The following PLCB4 variants were observed in gnomAD, a reference collection of about 807,000 sequenced individuals.
PLCB4 encodes phospholipase C beta 4.
Under a neutral mutation model 178.8 loss-of-function variants are expected in PLCB4, and 77 were observed. The observed-to-expected ratio is 0.43, with a 90% CI of 0.36 to 0.52. PLCB4 has a LOEUF of 0.52. Ranked by LOEUF, PLCB4 falls within the 20% of genes least tolerant of loss-of-function variation. The pLI is 0.00. For synonymous variants in PLCB4, 496 were observed against 490.8 expected, an observed-to-expected ratio of 1.01 and a Z score of -0.14; for missense variants, 1,024 against 1,453.4, an observed-to-expected ratio of 0.70 and a Z score of 4.80.
In PLCB4 at chr20:9,075,923, T is replaced by C. The variant is rs547863516; in HGVS notation, c.-135+6717T>C. ...CCCATGTTGAGCCTTTTGTTAGCTGTAAGTGCTTGGAAACACCGTGTACTA... is the reference window on the plus strand; with the variant it reads ...CCCATGTTGAGCCTTTTGTTAGCTGCAAGTGCTTGGAAACACCGTGTACTA... On this transcript the variant is annotated intron_variant, in intron 1 of 39. Transcript: ENST00000378473. Among the ~76,000 whole-genome samples the C allele has an allele frequency of 5.3e-5, 8 of 152,330 alleles. No individual in the cohort carries two copies. The South Asian group carries it at 1.4e-3, about 28-fold the overall frequency.
intron 3 of PLCB4, among the ~76,000 whole-genome samples, chr20:9,261,426 A>C (rs1281828574): frequency 1.3e-5 from 2 of 152,162 alleles, no homozygotes; most frequent in African/African-American, 2.4e-5. Context: ...TATACATATA[A>C]CCATTTTTAA....
chr20:9,205,648 C>G (rs1172727788), intron 2 of PLCB4, among the ~76,000 whole-genome samples: 1 of 152,178 alleles, frequency 6.6e-6, no homozygotes, highest in African/African-American at 2.4e-5. Context: ...TTTACATGCA[C>G]TCATTTGTGT....
chr20:9,329,672 G>A (rs1163621671), intron 4 of PLCB4, among the ~76,000 whole-genome samples: 1 of 152,160 alleles, frequency 6.6e-6, no homozygotes, highest in Non-Finnish European at 1.5e-5. Flanking sequence ...AGGAATGCAG[G>A]AGCTACACAT....
rs533695069 is a variant in PLCB4, at chr20:9,306,925, T to C, written c.-15-875T>C. Among the ~76,000 whole-genome samples the C allele has an allele frequency of 1.2e-4, 18 of 152,288 alleles. No homozygotes were observed. The South Asian group carries it at 3.5e-3, about 30-fold the overall frequency. ...CTTAGTTCAGCTAAAAACAGGGTTC[T>C]TTGTCCCACAGCCATGAAAATTCAA... On this transcript the variant is annotated intron_variant, in intron 3 of 39. Transcript: ENST00000378473.
intron 2 of PLCB4, among the ~76,000 whole-genome samples, chr20:9,187,076 G>A (rs965051380): frequency 6.6e-6 from 1 of 152,070 alleles, no homozygotes; most frequent in African/African-American, 2.4e-5. Flanking sequence ...CTGGGTTCAG[G>A]CGATTCTCCT....
At chr20:9,243,593 A>T (rs1190235906) in intron 3 of PLCB4, among the ~76,000 whole-genome samples, 1 of 152,158 alleles carries the variant, frequency 6.6e-6, no homozygotes. Context: ...TTGAAGCTGC[A>T]ATTTTTTGCA....
At chr20:9,232,741 G>A (rs532931758) in intron 3 of PLCB4, among the ~76,000 whole-genome samples, 1 of 152,220 alleles carries the variant, frequency 6.6e-6, no homozygotes, top group East Asian at 1.9e-4. Context: ...TTTCTTTGAT[G>A]AAAACTGAGT....
chr20:9,113,996 T>C (rs1034381098), intron 2 of PLCB4, among the ~76,000 whole-genome samples: 11 of 152,072 alleles, frequency 7.2e-5, no homozygotes, highest in Admixed American at 1.3e-4. Flanking sequence ...GGCGGATCAC[T>C]TGAGATCAGA....
intron 2 of PLCB4, among the ~76,000 whole-genome samples, chr20:9,148,172 C>T (rs2092631338): frequency 6.6e-6 from 1 of 152,038 alleles, no homozygotes; most frequent in Non-Finnish European, 1.5e-5. Context: ...GAGACAGTCC[C>T]AGAGAGGTTA....
chr20:9,381,772 A>C (rs1409842180), intron 13 of PLCB4, among the ~76,000 whole-genome samples: 1 of 152,198 alleles, frequency 6.6e-6, no homozygotes, highest in Non-Finnish European at 1.5e-5. Context: ...ATATTTTGGC[A>C]ATAGTTTATA....
intron 3 of PLCB4, among the ~76,000 whole-genome samples, chr20:9,219,001 A>G (rs2093766130): frequency 6.6e-6 from 1 of 152,120 alleles, no homozygotes; most frequent in South Asian, 2.1e-4. Context: ...GTCATTTTTC[A>G]TCAGCTGTAT....
chr20:9,213,531 A>G (rs187061822), intron 2 of PLCB4, among the ~76,000 whole-genome samples: 51 of 152,310 alleles, frequency 3.3e-4, no homozygotes, highest in African/African-American at 1.1e-3. Context: ...CTATTATGTG[A>G]ACGTACTACA....
chr20:9,130,621 T>C (rs1269057736), intron 2 of PLCB4, among the ~76,000 whole-genome samples: 11 of 152,210 alleles, frequency 7.2e-5, no homozygotes, highest in Non-Finnish European at 1.5e-4. Flanking sequence ...ATGAAACCCA[T>C]GGATGACGTT....
Position 9,459,695 on chromosome 20 carries a change from G to A in PLCB4, c.3133G>A (p.Ala1045Thr). 1 of 1,613,146 alleles carries A rather than the reference G, an allele frequency of 6.2e-7. No homozygotes were observed. Among genetic ancestry groups the A allele is most frequent in the South Asian group, 1.1e-5 (1 of 91,034 alleles). ...GTCAGAAATGATCAATACCCACAGT[G>A]CTGAGGAGCAAGAAATCCGAGACCT... ...EWSEMINTHS[A>T]EEQEIRDLHL... The change falls in exon 35 of 40, where the codon GCT becomes ACT. Residue 1045 changes from alanine (A) to threonine (T), a missense_variant. Coordinates refer to ENST00000378473, the MANE Select transcript of PLCB4 (RefSeq NM_001377142.1).
At chr20:9,385,200 C>G (rs1159102556) in intron 14 of PLCB4, among the ~76,000 whole-genome samples, 8 of 152,208 alleles carry the variant, frequency 5.3e-5, no homozygotes. Context: ...TCTCCTATGT[C>G]AACTTCTTAC....
In PLCB4 at chr20:9,337,282, G is replaced by C. The variant is rs568905601; in HGVS notation, c.165+76G>C. 6 of 993,766 alleles carry C rather than the reference G, an allele frequency of 6.0e-6. No individual in the cohort carries two copies. The East Asian group carries it at 1.4e-4, about 24-fold the overall frequency. 61.6% of individuals were successfully genotyped at this position (993,766 alleles called of 1,614,324 possible). A position where few individuals can be genotyped will look rare whatever the true frequency, so the allele number is the denominator to read the frequency against. On this transcript the variant is annotated intron_variant, in intron 5 of 39. Coordinates refer to ENST00000378473, the MANE Select transcript of PLCB4 (RefSeq NM_001377142.1). The stretch of plus-strand genomic sequence containing the variant: ...TTTTGTTTCTCAACAAGTAGACTGA[G>C]TGCTGTTGATGAACCCTACCCTTAT...
At chr20:9,443,893 T>A in intron 30 of PLCB4, 88 bp from the exon 31 acceptor site, 1 of 748,128 alleles carries the variant, frequency 1.3e-6, no homozygotes, top group Non-Finnish European at 2.3e-6. Context: ...AGTCTTTCGA[T>A]GAGATTTCGA....
intron 2 of PLCB4, among the ~76,000 whole-genome samples, chr20:9,216,707 G>A (rs2093737378): frequency 6.6e-6 from 1 of 151,928 alleles, no homozygotes; most frequent in South Asian, 2.1e-4. Flanking sequence ...CACCATGTTG[G>A]CCAGGCTGGC....
At chr20:9,430,223 A>T (rs527889279) in intron 28 of PLCB4, among the ~76,000 whole-genome samples, 1 of 152,248 alleles carries the variant, frequency 6.6e-6, no homozygotes, top group Non-Finnish European at 1.5e-5. Context: ...TGCTTATCCT[A>T]GAAGTATCTA....
Sources: gnomAD v4.1 joint callset for allele counts (sites outside exome capture counted in the v4.1 genomes callset) on GRCh38, gnomAD v4.1.1 for gene constraint, MANE v1.5 for transcripts, NCBI Gene and HGNC (gene_info 2026-07-23, HGNC 2026-07-21) for gene names.